The following WDR47 variants were observed in gnomAD, a reference collection of about 807,000 sequenced individuals.
WDR47 encodes WD repeat-containing protein 47.
A neutral mutation model predicts 97.2 loss-of-function variants in WDR47; 32 were observed. That is an observed-to-expected ratio of 0.33 (90% CI 0.25 to 0.44). The LOEUF (loss-of-function observed/expected upper bound fraction) is 0.44, where lower values mean the gene tolerates loss of function less well. WDR47 is among the 20% of genes least tolerant of loss of function. The pLI is 1.00. For synonymous variants in WDR47, 375 were observed against 373.5 expected (o/e 1.00, Z -0.05); for missense variants, 782 against 1,102.3 (o/e 0.71, Z 4.11).
chr1:108,983,223 G>T, intron 11 of WDR47, 59 bp downstream of exon 11: 1 of 1,412,200 alleles, frequency 7.1e-7, no homozygotes, highest in South Asian at 1.7e-5. Context: ...AATACAACAT[G>T]GAGAAAACAT....
intron 14 of WDR47, among the ~76,000 whole-genome samples, chr1:108,972,203 C>T (rs1406101372): frequency 1.3e-5 from 2 of 152,028 alleles, no homozygotes; most frequent in Non-Finnish European, 1.5e-5. Context: ...ACCTAGGAAT[C>T]GTCATTGATT....
chr1:108,986,509 T>C lies in WDR47; in HGVS notation c.1925+14A>G. 6.3e-7 allele frequency: 1 copy of C among 1,592,176 alleles called. No homozygotes were observed. Among genetic ancestry groups the C allele is most frequent in the Non-Finnish European group, 8.6e-7 (1 of 1,168,980 alleles). ...ACTAAGGTAAGAATGGCAGCACAAA[T>C]CATTGATCCTTACCTTGGATCAATT... is the stretch of plus-strand genomic sequence containing the variant. On this transcript the variant is annotated intron_variant, in intron 10 of 14. Coordinates refer to ENST00000369962, the MANE Select transcript of WDR47 (RefSeq NM_001142551.2).
At chr1:108,982,937 C>T (rs1472412932) in intron 11 of WDR47, among the ~76,000 whole-genome samples, 158 bp from the exon 12 acceptor site, 13 of 152,114 alleles carry the variant, frequency 8.5e-5, no homozygotes. Context: ...TTTCACTTTA[C>T]TGAGCAAAGA....
chr1:108,971,098 G>T lies in WDR47; in HGVS notation c.*332C>A. On this transcript the variant is annotated 3_prime_UTR_variant, in exon 15 of 15. Transcript: ENST00000369962. Reference sequence around the variant, plus strand: ...AATGTGCATATAAAACTGTTATTTAGGCAAAGACCAAGGAATGCATTGAAT... The same window carrying T: ...AATGTGCATATAAAACTGTTATTTATGCAAAGACCAAGGAATGCATTGAAT... The T allele has an allele frequency of 4.8e-6, 1 of 206,830 alleles. No individual in the cohort carries two copies. The highest frequency in any genetic ancestry group is 9.7e-6 in the Non-Finnish European group (1 of 103,434). The allele number at this position is 206,830 out of a possible 1,614,324, so 12.8% of individuals were successfully genotyped here. A position where few individuals can be genotyped will look rare whatever the true frequency, so the allele number is the denominator to read the frequency against.
intron 1 of WDR47, among the ~76,000 whole-genome samples, chr1:109,036,596 G>A (rs1662966034): frequency 1.3e-5 from 2 of 150,832 alleles, no homozygotes; most frequent in Non-Finnish European, 1.5e-5. Context: ...CACCACTTTG[G>A]AAGGCCGAGG....
chr1:108,983,298 C>G lies in WDR47; in HGVS notation c.2079G>C (p.Glu693Asp). The G allele has an allele frequency of 3.7e-6, 6 of 1,608,960 alleles. No homozygotes were observed. Among genetic ancestry groups the G allele is most frequent in the Non-Finnish European group, 5.1e-6 (6 of 1,177,570 alleles). ...KYVKVLPFNA[E>D]TCNATGPDLE... Reference sequence around the variant, plus strand: ...GGGCCCTACCTGTTGCGTTACAAGTCTCTGCATTGAAGGGCAGCACTTTGA... The same window carrying G: ...GGGCCCTACCTGTTGCGTTACAAGTGTCTGCATTGAAGGGCAGCACTTTGA... The change falls in exon 11 of 15, where the codon GAG becomes GAC. Residue 693 changes from glutamate (E) to aspartate (D), a missense_variant. Coordinates refer to ENST00000369962, the MANE Select transcript of WDR47 (RefSeq NM_001142551.2).
chr1:109,006,992 C>G (rs1557941151), intron 5 of WDR47, among the ~76,000 whole-genome samples: 1 of 151,754 alleles, frequency 6.6e-6, no homozygotes, highest in Non-Finnish European at 1.5e-5. Flanking sequence ...GGCTGGAGTA[C>G]AGTGGTGCAA....
intron 4 of WDR47, among the ~76,000 whole-genome samples, chr1:109,012,401 G>A (rs1489210808): frequency 1.3e-5 from 2 of 151,628 alleles, no homozygotes; most frequent in Middle Eastern, 3.4e-3. Context: ...GTGAAACCCC[G>A]TCTCTAATAA....
chr1:108,981,551 A>G (rs781334141), intron 13 of WDR47, among the ~76,000 whole-genome samples, 182 bp downstream of exon 13: 1 of 152,250 alleles, frequency 6.6e-6, no homozygotes, highest in Non-Finnish European at 1.5e-5. Context: ...CCCTAAGCTG[A>G]ATATTATTTT....
chr1:109,018,333 C>T (rs1661572577), intron 2 of WDR47, among the ~76,000 whole-genome samples: 1 of 151,172 alleles, frequency 6.6e-6, no homozygotes, highest in African/African-American at 2.4e-5. Flanking sequence ...CCCGTAATCC[C>T]AGCTACTGGC....
At chr1:109,039,720 C>T (rs1185570946) in intron 1 of WDR47, among the ~76,000 whole-genome samples, 1 of 151,920 alleles carries the variant, frequency 6.6e-6, no homozygotes, top group African/African-American at 2.4e-5. Flanking sequence ...GTCTGAAGAC[C>T]TGGGTTCAAG....
At chr1:108,981,947 G>C (rs1658376720) in intron 12 of WDR47, 83 bp from the exon 13 acceptor site, 1 of 1,464,372 alleles carries the variant, frequency 6.8e-7, no homozygotes, top group Non-Finnish European at 9.2e-7. Context: ...CTAGAGTTGG[G>C]CAAGGTGGCT....
chr1:109,010,305 C>T (rs1265600947), intron 5 of WDR47, among the ~76,000 whole-genome samples: 1 of 152,062 alleles, frequency 6.6e-6, no homozygotes, highest in East Asian at 1.9e-4. Context: ...ACCTGTAATC[C>T]CAGAACTTTG....
At chr1:108,974,840 A>G (rs1657759362) in intron 13 of WDR47, 86 bp from the exon 14 acceptor site, 1 of 986,042 alleles carries the variant, frequency 1.0e-6, no homozygotes, top group Admixed American at 2.3e-5. Flanking sequence ...TGAACCATAT[A>G]CTAAAGATTT....
intron 1 of WDR47, among the ~76,000 whole-genome samples, chr1:109,030,624 G>A: frequency 1.1e-5 from 1 of 90,268 alleles, no homozygotes; most frequent in East Asian, 3.3e-4. Context: ...AAGTATTACA[G>A]AGTGCCTAAC....
chr1:108,991,436 C>G, intron 8 of WDR47, 107 bp from the exon 9 acceptor site: 1 of 908,530 alleles, frequency 1.1e-6, no homozygotes, highest in East Asian at 2.5e-5. Flanking sequence ...ACAATCCTAG[C>G]TGACTCCAAA....
chr1:109,013,765 C>A, intron 4 of WDR47, 76 bp downstream of exon 4: 1 of 1,489,534 alleles, frequency 6.7e-7, no homozygotes. Context: ...TGATGCTAAT[C>A]CTTCGTTTTA....
In WDR47 at chr1:109,011,471, T is replaced by C. The variant is rs1571215095; in HGVS notation, c.575A>G (p.Asn192Ser). 1 of 1,614,150 alleles carries C rather than the reference T, an allele frequency of 6.2e-7. No individual in the cohort carries two copies. The change falls in exon 5 of 15, where the codon AAT becomes AGT. Residue 192 changes from asparagine (N) to serine (S), a missense_variant. Physicochemically the swap from Asn to Ser is conservative, Grantham distance 46. Transcript: ENST00000369962. Reference sequence around the variant, plus strand: ...TTTCATTACAAGCTGAAATAAACGATTGTTACTAGCCTTAAAACCAGCTTC... The same window carrying C: ...TTTCATTACAAGCTGAAATAAACGACTGTTACTAGCCTTAAAACCAGCTTC... ...LSEAGFKASNNRLFQLVMKGL... is the reference protein window; with the variant it reads ...LSEAGFKASNSRLFQLVMKGL...
rs149480032 is a variant in WDR47 at position 109,014,128 on chromosome 1, T to C, written c.243-203A>G. 7.2e-5 allele frequency among the ~76,000 whole-genome samples: 11 copies of C among 152,308 alleles called. No individual in the cohort carries two copies. The East Asian group carries it at 1.5e-3, about 21-fold the overall frequency. On this transcript the variant is annotated intron_variant, in intron 3 of 14. Transcript: ENST00000369962. ...AATGAATTTATACTTCCAATATTAA[T>C]TGTAAACAACAATCCAATTTTTATG...
Sources: allele counts gnomAD v4.1 joint callset (sites outside exome capture counted in the v4.1 genomes callset), GRCh38; gene constraint gnomAD v4.1.1; transcripts MANE v1.5; gene names NCBI Gene and HGNC (gene_info 2026-07-23, HGNC 2026-07-21).